The following SPOCK1 variants were observed in gnomAD, a reference collection of about 807,000 sequenced individuals.
The protein encoded by SPOCK1 is SPARC (osteonectin), cwcv and kazal like domains proteoglycan 1.
In SPOCK1, 23 loss-of-function variants were observed where a neutral mutation model predicts 55.3. That is an observed-to-expected ratio of 0.42 (90% CI 0.30 to 0.59). The LOEUF is 0.59. Among genes scored for constraint, SPOCK1 ranks in the 20% least tolerant of loss-of-function variants. The probability of loss-of-function intolerance (pLI) is 0.22; values close to 1 mark genes in which losing one functional copy is unlikely to be tolerated. For synonymous variants in SPOCK1, 226 were observed against 221.0 expected, an observed-to-expected ratio of 1.02 and a Z score of -0.20; for missense variants, 499 against 552.5, an observed-to-expected ratio of 0.90 and a Z score of 0.97.
At chr5:137,066,299 T>A (rs1236984273) in intron 6 of SPOCK1, among the ~76,000 whole-genome samples, 1 of 152,036 alleles carries the variant, frequency 6.6e-6, no homozygotes, top group Non-Finnish European at 1.5e-5. Context: ...CCACCACACC[T>A]GACTGATTTT....
At chr5:137,335,927 T>G (rs944677511) in intron 2 of SPOCK1, among the ~76,000 whole-genome samples, 12 of 152,306 alleles carry the variant, frequency 7.9e-5, no homozygotes, top group Admixed American at 6.5e-4. Context: ...ATGCTTCTTT[T>G]TTTCCCCTGT....
chr5:137,434,492 T>C (rs937969771), intron 2 of SPOCK1, among the ~76,000 whole-genome samples: 8 of 121,762 alleles, frequency 6.6e-5, no homozygotes, highest in African/African-American at 2.6e-4. Flanking sequence ...TTTTTTTTTT[T>C]TTTTTTTTTT....
At chr5:136,984,278 G>T (rs938273528) in intron 9 of SPOCK1, among the ~76,000 whole-genome samples, 1 of 152,148 alleles carries the variant, frequency 6.6e-6, no homozygotes, top group Non-Finnish European at 1.5e-5. Flanking sequence ...CAATCTGCAA[G>T]AAAACTTGCC....
chr5:137,167,281 T>C (rs1014713253), intron 3 of SPOCK1, among the ~76,000 whole-genome samples: 17 of 152,084 alleles, frequency 1.1e-4, no homozygotes, highest in African/African-American at 3.9e-4. Flanking sequence ...CAATTATAAA[T>C]CTATTTGCAC....
chr5:137,488,681 A>C (rs193114980), intron 2 of SPOCK1, among the ~76,000 whole-genome samples: 111 of 152,268 alleles, frequency 7.3e-4, no homozygotes, highest in Non-Finnish European at 1.4e-3. Flanking sequence ...TGCTCTCTGC[A>C]TGTTTGTTTT....
At chr5:137,186,661 C>T (rs1310667825) in intron 3 of SPOCK1, among the ~76,000 whole-genome samples, 3 of 152,188 alleles carry the variant, frequency 2.0e-5, no homozygotes, top group Non-Finnish European at 4.4e-5. Context: ...CAAGTGGAGC[C>T]AAGACTTCCA....
chr5:137,299,752 A>C (rs536810927), intron 2 of SPOCK1, among the ~76,000 whole-genome samples: 2 of 152,254 alleles, frequency 1.3e-5, no homozygotes, highest in South Asian at 4.2e-4. Context: ...TTTCTAATAA[A>C]GAGTCAGGTT....
At chr5:137,160,335 A>ATATAT (rs199576453) in intron 3 of SPOCK1, among the ~76,000 whole-genome samples, 23 of 131,106 alleles carry the variant, frequency 1.8e-4, no homozygotes, top group South Asian at 4.5e-4. Flanking sequence ...TATATATTAT[A>ATATAT]TATATTATAT....
chr5:137,301,460 A>T (rs540110765), intron 2 of SPOCK1, among the ~76,000 whole-genome samples: 2 of 152,274 alleles, frequency 1.3e-5, no homozygotes, highest in East Asian at 3.9e-4. Flanking sequence ...CTTCAGAAGC[A>T]TGAACAGCTC....
intron 2 of SPOCK1, among the ~76,000 whole-genome samples, chr5:137,344,473 G>A (rs1354468537): frequency 1.3e-5 from 2 of 152,202 alleles, no homozygotes; most frequent in African/African-American, 4.8e-5. Context: ...CACACCTCAG[G>A]GCAGCAGTTC....
intron 3 of SPOCK1, among the ~76,000 whole-genome samples, chr5:137,146,981 G>C (rs565437593): frequency 6.6e-6 from 1 of 152,216 alleles, no homozygotes; most frequent in Non-Finnish European, 1.5e-5. Context: ...TCTGACCAAA[G>C]ATAGCCCTCC....
intron 2 of SPOCK1, among the ~76,000 whole-genome samples, chr5:137,442,837 T>G (rs1753043071): frequency 6.6e-6 from 1 of 152,202 alleles, no homozygotes; most frequent in Admixed American, 6.5e-5. Context: ...ACGGTGCAAT[T>G]AAATTCCTGG....
chr5:137,134,896 C>T (rs1300791711), intron 4 of SPOCK1, among the ~76,000 whole-genome samples: 2 of 152,220 alleles, frequency 1.3e-5, no homozygotes, highest in African/African-American at 2.4e-5. Flanking sequence ...CTCAAGTTCA[C>T]ATAAAAGACT....
At chr5:137,463,316 C>A (rs1439940720) in intron 2 of SPOCK1, among the ~76,000 whole-genome samples, 1 of 152,122 alleles carries the variant, frequency 6.6e-6, no homozygotes, top group Non-Finnish European at 1.5e-5. Flanking sequence ...ACAATGGAGT[C>A]CTATTCAGCC....
chr5:137,251,204 C>A (rs1203372111), intron 3 of SPOCK1, among the ~76,000 whole-genome samples: 2 of 152,208 alleles, frequency 1.3e-5, no homozygotes, highest in African/African-American at 2.4e-5. Context: ...TGAATTATAT[C>A]ACTAAGCCAC....
chr5:137,323,435 A>G (rs1267764007), intron 2 of SPOCK1, among the ~76,000 whole-genome samples: 2 of 152,164 alleles, frequency 1.3e-5, no homozygotes, highest in Non-Finnish European at 2.9e-5. Flanking sequence ...TAAGAACATC[A>G]CATATTGATA....
intron 2 of SPOCK1, among the ~76,000 whole-genome samples, chr5:137,447,778 A>G (rs1421602701): frequency 6.6e-6 from 1 of 152,184 alleles, no homozygotes; most frequent in East Asian, 1.9e-4. Context: ...CTATGCCTGC[A>G]AGAAAATCCC....
At chr5:137,118,416 C>T (rs1042828119) in intron 4 of SPOCK1, among the ~76,000 whole-genome samples, 22 of 152,184 alleles carry the variant, frequency 1.4e-4, no homozygotes, top group Non-Finnish European at 8.8e-5. Context: ...CAACTCCGCA[C>T]GTCAGTGTTT....
chr5:137,217,303 T>A (rs893515536), intron 3 of SPOCK1, among the ~76,000 whole-genome samples: 1 of 152,148 alleles, frequency 6.6e-6, no homozygotes, highest in African/African-American at 2.4e-5. Flanking sequence ...CAGCATTAAC[T>A]CCTCTTCTTG....
Sources: allele counts gnomAD v4.1 joint callset (sites outside exome capture counted in the v4.1 genomes callset), GRCh38; gene constraint gnomAD v4.1.1; transcripts MANE v1.5; gene names NCBI Gene and HGNC (gene_info 2026-07-23, HGNC 2026-07-21).